The following HMG20A variants were observed in gnomAD, a reference collection of about 807,000 sequenced individuals.
HMG20A encodes high mobility group protein 20A.
In HMG20A, 17 loss-of-function variants were observed where a neutral mutation model predicts 43.9. The ratio of observed to expected loss-of-function variants is 0.39; its 90% CI spans 0.27 to 0.58. HMG20A has a LOEUF of 0.58. Ranked by LOEUF, HMG20A falls within the 20% of genes least tolerant of loss-of-function variation. The probability of loss-of-function intolerance (pLI) is 0.59; values close to 1 mark genes in which losing one functional copy is unlikely to be tolerated. For missense variants in HMG20A, 341 were observed against 438.2 expected (o/e 0.78, Z 1.98); for synonymous variants, 132 against 147.5 (o/e 0.89, Z 0.76).
At chr15:77,421,203 G>T (rs1475608660) in intron 1 of HMG20A, 199 bp downstream of exon 1, 11 of 328,962 alleles carry the variant, frequency 3.3e-5, no homozygotes, top group African/African-American at 1.5e-4. Context: ...CTGTGGGGGG[G>T]TGGTGATGGT....
At chr15:77,516,057 G>A in the HMG20A span, among the ~76,000 whole-genome samples, 1 of 152,258 alleles carries the variant, frequency 6.6e-6, no homozygotes, top group African/African-American at 2.4e-5. Flanking sequence ...ACACAGAGGG[G>A]GAAAGCCTAA....
chr15:77,510,063 G>A, the HMG20A span, among the ~76,000 whole-genome samples: 16 of 152,152 alleles, frequency 1.1e-4, no homozygotes, highest in Admixed American at 7.2e-4. Context: ...CTCACAGAGT[G>A]GCTGTTCTGT....
the HMG20A span, among the ~76,000 whole-genome samples, chr15:77,504,762 C>A: frequency 6.6e-6 from 1 of 151,894 alleles, no homozygotes. Flanking sequence ...GAGAACTGGG[C>A]GTTACAAATG....
chr15:77,476,681 C>A (rs982498363), intron 6 of HMG20A, among the ~76,000 whole-genome samples: 1 of 152,016 alleles, frequency 6.6e-6, no homozygotes, highest in African/African-American at 2.4e-5. Flanking sequence ...CATTTTACCA[C>A]CTTTGTTATG....
At chr15:77,515,805 T>C in the HMG20A span, among the ~76,000 whole-genome samples, 1 of 152,136 alleles carries the variant, frequency 6.6e-6, no homozygotes, top group African/African-American at 2.4e-5. Flanking sequence ...AGAAGGAATG[T>C]GGCTGGCCTT....
chr15:77,457,695 C>A (rs943268698), intron 1 of HMG20A, among the ~76,000 whole-genome samples: 2 of 152,124 alleles, frequency 1.3e-5, no homozygotes, highest in Non-Finnish European at 2.9e-5. Context: ...TACCCAGGTG[C>A]ATGCTATTTC....
rs1327698583 is a variant in HMG20A, at chr15:77,485,533, A to G, written c.*2570A>G. ...AGTGTTTTTGTAATTAAACTTTCAGATTTTCTTTGTTTTTTAAGAAGTTGA... is the reference window on the plus strand; with the variant it reads ...AGTGTTTTTGTAATTAAACTTTCAGGTTTTCTTTGTTTTTTAAGAAGTTGA... On this transcript the variant is annotated 3_prime_UTR_variant, in exon 10 of 10. Transcript: ENST00000336216. 2 of 152,488 alleles carry G rather than the reference A, an allele frequency of 1.3e-5. No homozygotes were observed. Among genetic ancestry groups the G allele is most frequent in the Non-Finnish European group, 2.9e-5 (2 of 68,012 alleles). 9.4% of individuals were successfully genotyped at this position (152,488 alleles called of 1,614,324 possible). A position where few individuals can be genotyped will look rare whatever the true frequency, so the allele number is the denominator to read the frequency against.
chr15:77,421,170 G>A lies in HMG20A; in HGVS notation c.-5+166G>A, dbSNP rs1489903576. 6.1e-5 allele frequency: 23 copies of A among 375,372 alleles called. No individual in the cohort carries two copies. In the East Asian group the frequency reaches 8.0e-4, roughly 13 times the overall value. The allele number at this position is 375,372 out of a possible 1,614,324, so 23.3% of individuals were successfully genotyped here. On this transcript the variant is annotated intron_variant, in intron 1 of 9. Coordinates refer to ENST00000336216, the MANE Select transcript of HMG20A (RefSeq NM_001304504.2). Reference sequence around the variant, plus strand: ...GGGGGAGGGGAGGAAGGCCGTCCTGGGGAGGGGGGACACCCTCACTTCCTG... The same window carrying A: ...GGGGGAGGGGAGGAAGGCCGTCCTGAGGAGGGGGGACACCCTCACTTCCTG...
At chr15:77,442,316 A>G (rs187905256) in intron 1 of HMG20A, among the ~76,000 whole-genome samples, 2 of 152,328 alleles carry the variant, frequency 1.3e-5, no homozygotes, top group East Asian at 3.9e-4. Flanking sequence ...TAGTGGAGAT[A>G]TTCAATAAGG....
intron 3 of HMG20A, among the ~76,000 whole-genome samples, chr15:77,465,290 G>GA (rs1014571337): frequency 8.0e-6 from 1 of 125,736 alleles, no homozygotes; most frequent in Admixed American, 7.8e-5. Context: ...AAAAAAGAAA[G>GA]AAAAAAACAA....
At chr15:77,514,589 T>C in the HMG20A span, among the ~76,000 whole-genome samples, 1 of 152,136 alleles carries the variant, frequency 6.6e-6, no homozygotes. Context: ...TGAACTGAAA[T>C]AAGGTTAGTG....
the HMG20A span, among the ~76,000 whole-genome samples, chr15:77,519,108 G>A: frequency 6.6e-6 from 1 of 152,184 alleles, no homozygotes; most frequent in Non-Finnish European, 1.5e-5. Flanking sequence ...TCCATCCATT[G>A]TCCCTTCTGG....
At chr15:77,426,751 T>C (rs945585943) in intron 1 of HMG20A, among the ~76,000 whole-genome samples, 3 of 152,064 alleles carry the variant, frequency 2.0e-5, no homozygotes, top group Non-Finnish European at 2.9e-5. Flanking sequence ...ACTTGAAGAA[T>C]AGAGAATTTT....
At chr15:77,516,741 G>T in the HMG20A span, among the ~76,000 whole-genome samples, 1 of 152,174 alleles carries the variant, frequency 6.6e-6, no homozygotes, top group African/African-American at 2.4e-5. Context: ...AACTTCCCAG[G>T]GGAAGAAGGG....
chr15:77,485,890 C>T (rs2072942708), downstream of HMG20A, among the ~76,000 whole-genome samples: 1 of 152,176 alleles, frequency 6.6e-6, no homozygotes, highest in African/African-American at 2.4e-5. Context: ...CGAGATCGTG[C>T]CACTGCACTC....
chr15:77,510,148 CTAGA>C, the HMG20A span, among the ~76,000 whole-genome samples: 12 of 152,102 alleles, frequency 7.9e-5, no homozygotes, highest in Non-Finnish European at 1.6e-4. Flanking sequence ...GCTTGTGACC[CTAGA>C]TAGTCTTTGA....
the HMG20A span, among the ~76,000 whole-genome samples, chr15:77,506,073 C>CAAAA: frequency 5.7e-5 from 4 of 69,708 alleles, no homozygotes; most frequent in East Asian, 1.0e-3. Flanking sequence ...GTAGAGTTAG[C>CAAAA]AAAAAAAAAA....
chr15:77,422,830 T>C (rs1334580733), intron 1 of HMG20A, among the ~76,000 whole-genome samples: 1 of 152,148 alleles, frequency 6.6e-6, no homozygotes, highest in Non-Finnish European at 1.5e-5. Context: ...AACATTGTCT[T>C]TGTGGTTATT....
At chr15:77,515,741 A>G in the HMG20A span, among the ~76,000 whole-genome samples, 1 of 152,262 alleles carries the variant, frequency 6.6e-6, no homozygotes, top group Non-Finnish European at 1.5e-5. Flanking sequence ...GCCAAACAGA[A>G]CATACCTGCA....
Sources: gnomAD v4.1 joint callset for allele counts (sites outside exome capture counted in the v4.1 genomes callset) on GRCh38, gnomAD v4.1.1 for gene constraint, MANE v1.5 for transcripts, NCBI Gene and HGNC (gene_info 2026-07-23, HGNC 2026-07-21) for gene names.